Variants in NBEA observed in about 807,000 individuals in gnomAD.
NBEA encodes neurobeachin.
Under a neutral mutation model 343.4 loss-of-function variants are expected in NBEA, and 44 were observed. The ratio of observed to expected loss-of-function variants is 0.13; its 90% CI spans 0.10 to 0.16. The LOEUF is 0.16. Among genes scored for constraint, NBEA ranks in the 10% least tolerant of loss-of-function variants. NBEA has a pLI of 1.00. For missense variants in NBEA, 2,555 were observed against 3,631.3 expected, an observed-to-expected ratio of 0.70 and a Z score of 7.62; for synonymous variants, 1,175 against 1,238.7, an observed-to-expected ratio of 0.95 and a Z score of 1.08.
At chr13:35,614,382 T>C (rs1198667049) in intron 48 of NBEA, among the ~76,000 whole-genome samples, 1 of 152,198 alleles carries the variant, frequency 6.6e-6, no homozygotes, top group Non-Finnish European at 1.5e-5. Context: ...TATCTATTAT[T>C]TTCTACTTTC....
chr13:35,365,711 TCTA>T (rs1338158166), intron 38 of NBEA, among the ~76,000 whole-genome samples: 8 of 151,682 alleles, frequency 5.3e-5, no homozygotes. Context: ...AACAAAATGT[TCTA>T]CTCAAAAAAT....
intron 41 of NBEA, among the ~76,000 whole-genome samples, chr13:35,531,219 A>G (rs1030995880): frequency 1.1e-4 from 17 of 152,216 alleles, no homozygotes; most frequent in African/African-American, 4.1e-4. Flanking sequence ...TCTTCAGCCA[A>G]GAAATTATTA....
At chr13:35,478,183 A>T (rs2152963799) in intron 41 of NBEA, among the ~76,000 whole-genome samples, 1 of 152,330 alleles carries the variant, frequency 6.6e-6, no homozygotes, top group Middle Eastern at 3.4e-3. Flanking sequence ...CAGGCACAGC[A>T]TCACAAAACC....
chr13:35,613,302 G>T (rs77423867), intron 48 of NBEA, among the ~76,000 whole-genome samples: 10,338 of 150,234 alleles, frequency 0.069, 406 homozygotes, highest in African/African-American at 0.092. Flanking sequence ...TACATTATTT[G>T]TATCTCTGTG....
intron 34 of NBEA, chr13:35,251,438 T>C: frequency 1.9e-6 from 2 of 1,056,562 alleles, no homozygotes; most frequent in Non-Finnish European, 2.3e-6. Context: ...CTCACTTTGA[T>C]GCTGGAGAAC....
chr13:35,436,545 C>A (rs1693893125), intron 39 of NBEA, among the ~76,000 whole-genome samples: 1 of 151,974 alleles, frequency 6.6e-6, no homozygotes, highest in Non-Finnish European at 1.5e-5. Flanking sequence ...CCTGTCTCTA[C>A]TAAAAATACA....
chr13:35,609,251 A>C (rs1593357201), intron 48 of NBEA, among the ~76,000 whole-genome samples: 1 of 152,260 alleles, frequency 6.6e-6, no homozygotes, highest in East Asian at 1.9e-4. Context: ...CTAAACATGC[A>C]GTAATGCAGA....
At chr13:35,047,737 T>G (rs1566206962) in intron 4 of NBEA, among the ~76,000 whole-genome samples, 1 of 151,094 alleles carries the variant, frequency 6.6e-6, no homozygotes, top group Non-Finnish European at 1.5e-5. Context: ...TTATTCTGAA[T>G]GCAGAAGATT....
intron 41 of NBEA, among the ~76,000 whole-genome samples, chr13:35,532,289 T>C (rs117974904): frequency 1.3e-5 from 2 of 152,170 alleles, no homozygotes; most frequent in African/African-American, 4.8e-5. Context: ...ACATGAAAAG[T>C]ACCTTTCAGG....
At chr13:35,096,198 ATTTT>A (rs1214190798) in intron 10 of NBEA, among the ~76,000 whole-genome samples, 1 of 138,982 alleles carries the variant, frequency 7.2e-6, no homozygotes, top group Non-Finnish European at 1.6e-5. Flanking sequence ...TATTGTAAAG[ATTTT>A]TTTTTTTTTT....
At chr13:34,957,730 G>A (rs553264769) in intron 1 of NBEA, among the ~76,000 whole-genome samples, 8 of 151,990 alleles carry the variant, frequency 5.3e-5, no homozygotes, top group Non-Finnish European at 1.2e-4. Context: ...CTGAAGATAC[G>A]TGTTTTCGCT....
rs566857058 is a variant in NBEA, at chr13:35,471,195, C to T, written c.6449-1205C>T. Among the ~76,000 whole-genome samples the T allele has an allele frequency of 5.3e-3, 808 of 152,302 alleles. 6 individuals are homozygous for T. The highest frequency in any genetic ancestry group is 0.019 in the African/African-American group (776 of 41,574). On this transcript the variant is annotated intron_variant, in intron 40 of 58. Coordinates refer to ENST00000379939, the MANE Select transcript of NBEA (RefSeq NM_001385012.1). ...GTGTTCCCGCAGCCTCGGGAACGGCCCGGCATTGTGCAGGACGGTCGCAGA... is the reference window on the plus strand; with the variant it reads ...GTGTTCCCGCAGCCTCGGGAACGGCTCGGCATTGTGCAGGACGGTCGCAGA...
chr13:35,243,409 CTT>C (rs944488703), intron 34 of NBEA, among the ~76,000 whole-genome samples: 36 of 151,714 alleles, frequency 2.4e-4, no homozygotes, highest in African/African-American at 8.7e-4. Flanking sequence ...AGTTCTTCCT[CTT>C]TCAGTAATTA....
At chr13:35,547,845 C>T (rs775017310) in intron 41 of NBEA, among the ~76,000 whole-genome samples, 4 of 151,848 alleles carry the variant, frequency 2.6e-5, no homozygotes, top group Non-Finnish European at 4.4e-5. Context: ...GCCAAGATAA[C>T]GCCACTGCAC....
intron 10 of NBEA, among the ~76,000 whole-genome samples, chr13:35,097,949 C>G (rs2065423347): frequency 6.6e-6 from 1 of 151,784 alleles, no homozygotes; most frequent in Non-Finnish European, 1.5e-5. Context: ...ATGATACAGG[C>G]TTTATTATGA....
intron 49 of NBEA, among the ~76,000 whole-genome samples, chr13:35,638,049 A>T (rs1169214413): frequency 6.6e-6 from 1 of 152,164 alleles, no homozygotes; most frequent in African/African-American, 2.4e-5. Context: ...CACTTCTATG[A>T]GGTATCTTAA....
At chr13:35,176,005 A>G (rs1184655023) in intron 27 of NBEA, among the ~76,000 whole-genome samples, 2 of 152,098 alleles carry the variant, frequency 1.3e-5, no homozygotes, top group African/African-American at 2.4e-5. Context: ...GCTGTAAATT[A>G]TGTATTATTT....
intron 45 of NBEA, among the ~76,000 whole-genome samples, chr13:35,574,966 T>G (rs1344352104): frequency 6.6e-6 from 1 of 152,092 alleles, no homozygotes; most frequent in Non-Finnish European, 1.5e-5. Context: ...GCCAGGCTGC[T>G]CTCAAACTCC....
At chr13:35,380,851 A>G (rs768706236) in intron 38 of NBEA, among the ~76,000 whole-genome samples, 2 of 152,164 alleles carry the variant, frequency 1.3e-5, no homozygotes, top group Non-Finnish European at 2.9e-5. Flanking sequence ...CTAATGACAG[A>G]GAAAGTTTTA....
Sources: gnomAD v4.1 joint callset for allele counts (sites outside exome capture counted in the v4.1 genomes callset) on GRCh38, gnomAD v4.1.1 for gene constraint, MANE v1.5 for transcripts, NCBI Gene and HGNC (gene_info 2026-07-23, HGNC 2026-07-21) for gene names.